The following PTGIS variants were observed in gnomAD, a reference collection of about 807,000 sequenced individuals.
The protein encoded by PTGIS is prostaglandin I2 synthase.
Under a neutral mutation model 50.3 loss-of-function variants are expected in PTGIS, and 45 were observed. The ratio of observed to expected loss-of-function variants is 0.90; its 90% CI spans 0.70 to 1.15. The LOEUF (loss-of-function observed/expected upper bound fraction) is 1.15, where lower values mean the gene tolerates loss of function less well. Among genes scored for constraint, PTGIS ranks in the 50% most tolerant of loss-of-function variants. The probability of loss-of-function intolerance (pLI) is 0.00; values close to 1 mark genes in which losing one functional copy is unlikely to be tolerated. For missense variants in PTGIS, 668 were observed against 661.3 expected, an observed-to-expected ratio of 1.01 and a Z score of -0.11; for synonymous variants, 260 against 267.7, an observed-to-expected ratio of 0.97 and a Z score of 0.28.
chr20:49,548,603 C>A (rs1450024801), intron 2 of PTGIS, among the ~76,000 whole-genome samples: 1 of 150,284 alleles, frequency 6.7e-6, no homozygotes, highest in Non-Finnish European at 1.5e-5. Context: ...TGAATGGATA[C>A]ATGGATGAAT....
At chr20:49,529,447 T>C (rs557084063) in intron 5 of PTGIS, among the ~76,000 whole-genome samples, 4 of 152,358 alleles carry the variant, frequency 2.6e-5, no homozygotes, top group Non-Finnish European at 5.9e-5. Context: ...TTTCTCCCTT[T>C]TTATGGCTGA....
At chr20:49,563,668 G>T (rs1168918959) in intron 1 of PTGIS, among the ~76,000 whole-genome samples, 1 of 152,180 alleles carries the variant, frequency 6.6e-6, no homozygotes, top group East Asian at 1.9e-4. Flanking sequence ...GCCCATCCAG[G>T]GCTGAATCCA....
chr20:49,550,129 G>C lies in PTGIS; in HGVS notation c.135C>G (p.Asp45Glu), dbSNP rs1259114555. 2.5e-6 allele frequency: 4 copies of C among 1,614,034 alleles called. No homozygotes were observed. Among genetic ancestry groups the C allele is most frequent in the Non-Finnish European group, 3.4e-6 (4 of 1,180,036 alleles). The part of the protein sequence containing the change: ...GSIPWLGYAL[D>E]FGKDAASFLT... Reference sequence around the variant, plus strand: ...GGAAGCTGGCAGCATCTTTTCCAAAGTCCAAGGCATACCCCAACCAGGGGA... The same window carrying C: ...GGAAGCTGGCAGCATCTTTTCCAAACTCCAAGGCATACCCCAACCAGGGGA... Residue 45 changes from aspartate (D) to glutamate (E), a missense_variant, in exon 2 of 10, where the codon GAC (aspartate) becomes GAG (glutamate). Coordinates refer to ENST00000244043, the MANE Select transcript of PTGIS (RefSeq NM_000961.4).
chr20:49,513,323 C>A lies in PTGIS; in HGVS notation c.1025-62G>T, dbSNP rs1981378016. ...ATCCCTTCACCTGCTCATATGCCAA[C>A]CCCAGCTCTTATTTTACAGAGGAAG... is the stretch of plus-strand genomic sequence containing the variant. On this transcript the variant is annotated intron_variant, in intron 7 of 9. Coordinates refer to ENST00000244043, the MANE Select transcript of PTGIS (RefSeq NM_000961.4). 7 of 1,546,732 alleles carry A rather than the reference C, an allele frequency of 4.5e-6. No individual in the cohort carries two copies. In the South Asian group the frequency reaches 8.1e-5, roughly 18 times the overall value.
At position 49,507,659 on chromosome 20, in the gene PTGIS, C is replaced by T. The variant is rs537386547; in HGVS notation, c.*261G>A. 61 of 548,542 alleles carry T rather than the reference C, an allele frequency of 1.1e-4. No homozygotes were observed. The highest frequency in any genetic ancestry group is 1.5e-4 in the Non-Finnish European group (45 of 304,994). The allele number at this position is 548,542 out of a possible 1,614,324, so 34.0% of individuals were successfully genotyped here. ...TGTGGATATCACGAGGTGAGAGTAA[C>T]GAGGTGAATTGGGAGCAGACAAAGC... On this transcript the variant is annotated 3_prime_UTR_variant, in exon 10 of 10. Transcript: ENST00000244043.
intron 2 of PTGIS, among the ~76,000 whole-genome samples, chr20:49,549,469 G>A (rs917615283): frequency 6.6e-6 from 1 of 152,218 alleles, no homozygotes; most frequent in Admixed American, 6.5e-5. Flanking sequence ...TGAATCCAGA[G>A]ATATGGAACC....
chr20:49,564,469 T>C (rs1042452599), intron 1 of PTGIS, among the ~76,000 whole-genome samples: 2 of 152,158 alleles, frequency 1.3e-5, no homozygotes, highest in Admixed American at 6.5e-5. Context: ...GCCAGGATGG[T>C]CTCGATCTCC....
intron 1 of PTGIS, among the ~76,000 whole-genome samples, chr20:49,561,633 C>T (rs1333652254): frequency 6.6e-6 from 1 of 152,192 alleles, no homozygotes; most frequent in Non-Finnish European, 1.5e-5. Flanking sequence ...CACGATGAGC[C>T]CAAACTTTAG....
rs1234403500 is a variant in PTGIS, at chr20:49,539,551, G to A, written c.673+19C>T. The A allele has an allele frequency of 6.2e-7, 1 of 1,611,502 alleles. No homozygotes were observed. Among genetic ancestry groups the A allele is most frequent in the Non-Finnish European group, 8.5e-7 (1 of 1,178,752 alleles). On this transcript the variant is annotated intron_variant, in intron 5 of 9. Transcript: ENST00000244043. ...TTTCCATCCTCCCCCCCACCCACTG[G>A]GGCCCCCATGGTGCTTACCCACTGA...
At chr20:49,508,192 G>C in intron 9 of PTGIS, 128 bp from the exon 10 acceptor site, 3 of 1,133,130 alleles carry the variant, frequency 2.6e-6, no homozygotes, top group Non-Finnish European at 3.9e-6. Flanking sequence ...GGAGAGGAGT[G>C]AGGAAGTAGA....
At chr20:49,518,852 A>C (rs920400031) in intron 6 of PTGIS, among the ~76,000 whole-genome samples, 1 of 152,160 alleles carries the variant, frequency 6.6e-6, no homozygotes, top group Non-Finnish European at 1.5e-5. Flanking sequence ...CTCGATGATC[A>C]CTATCTCAGC....
At chr20:49,534,010 A>G (rs147874581) in intron 5 of PTGIS, among the ~76,000 whole-genome samples, 1,575 of 152,226 alleles carry the variant, frequency 0.01, 15 homozygotes, top group Non-Finnish European at 0.017. Context: ...ATATATAGTG[A>G]TATAGTATAC....
chr20:49,517,491 T>C (rs1981518989), intron 6 of PTGIS, among the ~76,000 whole-genome samples: 1 of 151,950 alleles, frequency 6.6e-6, no homozygotes, highest in Non-Finnish European at 1.5e-5. Context: ...CACACAACCA[T>C]AAGAGATCCT....
rs566871822 is a variant in PTGIS, at chr20:49,530,009, C to T, written c.674-5770G>A. ...GTCTCTACTAAAAATACAAAATTAGCTGGGTGTGGTGGTGCATGCCTGTAA... is the reference window on the plus strand; with the variant it reads ...GTCTCTACTAAAAATACAAAATTAGTTGGGTGTGGTGGTGCATGCCTGTAA... On this transcript the variant is annotated intron_variant, in intron 5 of 9. Transcript: ENST00000244043. 3.5e-3 allele frequency among the ~76,000 whole-genome samples: 537 copies of T among 152,078 alleles called. 5 individuals carry two copies. Among genetic ancestry groups the T allele is most frequent in the Middle Eastern group, 6.8e-3 (2 of 294 alleles).
At chr20:49,559,184 T>C (rs1044932030) in intron 1 of PTGIS, among the ~76,000 whole-genome samples, 3 of 152,190 alleles carry the variant, frequency 2.0e-5, no homozygotes, top group Non-Finnish European at 4.4e-5. Flanking sequence ...GAATAAGTTT[T>C]GCTTTAAAGA....
intron 6 of PTGIS, among the ~76,000 whole-genome samples, chr20:49,516,890 G>A (rs1981493930): frequency 6.6e-6 from 1 of 152,216 alleles, no homozygotes; most frequent in Admixed American, 6.5e-5. Flanking sequence ...CCTGGGAGGT[G>A]GGCTAGAAGA....
chr20:49,515,225 G>A (rs1343696929), intron 6 of PTGIS, among the ~76,000 whole-genome samples: 2 of 152,192 alleles, frequency 1.3e-5, no homozygotes, highest in African/African-American at 4.8e-5. Flanking sequence ...AAGAATAAAT[G>A]TGTGTGTGTT....
chr20:49,523,002 G>A (rs1171245145), intron 6 of PTGIS, among the ~76,000 whole-genome samples: 3 of 151,934 alleles, frequency 2.0e-5, no homozygotes, highest in Admixed American at 1.3e-4. Flanking sequence ...CCAGCCTGGC[G>A]ACAGAGCAAG....
intron 1 of PTGIS, among the ~76,000 whole-genome samples, chr20:49,567,496 C>A (rs935937992): frequency 2.6e-5 from 4 of 152,086 alleles, no homozygotes; most frequent in Non-Finnish European, 5.9e-5. Flanking sequence ...AGGGCATGAT[C>A]AAGACATCCC....
Sources: gnomAD v4.1 joint callset for allele counts (sites outside exome capture counted in the v4.1 genomes callset) on GRCh38, gnomAD v4.1.1 for gene constraint, MANE v1.5 for transcripts, NCBI Gene and HGNC (gene_info 2026-07-23, HGNC 2026-07-21) for gene names.